NINL: variants seen among roughly 807,000 people sequenced by gnomAD.
NINL encodes ninein like, also known as ninein-like protein.
NINL carries 153 observed loss-of-function variants against 160.3 expected under a neutral mutation model. That is an observed-to-expected ratio of 0.95 (90% CI 0.84 to 1.09). The LOEUF (loss-of-function observed/expected upper bound fraction) is 1.09. Among genes scored for constraint, NINL ranks in the 50% least tolerant of loss-of-function variants. The probability of loss-of-function intolerance (pLI) is 0.00; values close to 1 mark genes in which losing one functional copy is unlikely to be tolerated. For synonymous variants in NINL, 800 were observed against 734.8 expected, an observed-to-expected ratio of 1.09 and a Z score of -1.43; for missense variants, 1,829 against 1,764.0, an observed-to-expected ratio of 1.04 and a Z score of -0.66.
intron 3 of NINL, among the ~76,000 whole-genome samples, chr20:25,514,923 T>C (rs1422962976): frequency 3.3e-5 from 5 of 152,180 alleles, no homozygotes; most frequent in Non-Finnish European, 7.3e-5. Flanking sequence ...TATGAAGACA[T>C]CTGATGTCCA....
chr20:25,495,072 G>A (rs111508191), intron 10 of NINL, among the ~76,000 whole-genome samples: 5 of 152,224 alleles, frequency 3.3e-5, no homozygotes, highest in Admixed American at 1.3e-4. Context: ...TACGTGAGGC[G>A]ACCCCTGGTG....
chr20:25,511,228 GCAAA>G, intron 4 of NINL, among the ~76,000 whole-genome samples: 1 of 152,250 alleles, frequency 6.6e-6, no homozygotes, highest in South Asian at 2.1e-4. Flanking sequence ...TATCAGTTCA[GCAAA>G]CAGTCGCAAG....
At position 25,543,551 on chromosome 20, in the gene NINL, A is replaced by G. The variant is rs1358978749; in HGVS notation, c.-11-16953T>C. The stretch of plus-strand genomic sequence containing the variant: ...AGGAAAATCCTAACTTTCGACGCCT[A>G]AGTAACAAAAGGACCAGAGGCTACT... On this transcript the variant is annotated intron_variant, in intron 1 of 23. Transcript: ENST00000278886. Among the ~76,000 whole-genome samples the G allele has an allele frequency of 2.0e-5, 3 of 152,186 alleles. No homozygotes were observed. The East Asian group carries it at 5.8e-4, about 29-fold the overall frequency.
In NINL at chr20:25,554,636, C is replaced by A. The variant is rs149469612; in HGVS notation, c.-11-28038G>T. ...CCCTGTTCTTTACCAAAAAAAAAAA[C>A]AAAAAAAAAAAAAAAAAAAAATTAG... On this transcript the variant is annotated intron_variant, in intron 1 of 23. Transcript: ENST00000278886. Among the ~76,000 whole-genome samples the A allele has an allele frequency of 0.01, 899 of 85,674 alleles. 146 individuals are homozygous for A. The East Asian group carries it at 0.2, about 19-fold the overall frequency. The allele number at this position is 85,674 out of a possible 152,430, so 56.2% of individuals were successfully genotyped here.
chr20:25,539,360 C>T (rs898689736), intron 1 of NINL, among the ~76,000 whole-genome samples: 3 of 152,226 alleles, frequency 2.0e-5, no homozygotes, highest in Non-Finnish European at 4.4e-5. Context: ...GCCCATACCT[C>T]GCTGTGAGGC....
At chr20:25,460,395 G>T (rs2062753692) in intron 21 of NINL, among the ~76,000 whole-genome samples, 1 of 152,156 alleles carries the variant, frequency 6.6e-6, no homozygotes, top group Non-Finnish European at 1.5e-5. Context: ...GACTTGGTGA[G>T]GTGCTTCCCA....
At position 25,458,466 on chromosome 20, in the gene NINL, C is replaced by T; in HGVS notation, c.3760G>A (p.Val1254Met). The T allele has an allele frequency of 6.2e-7, 1 of 1,604,098 alleles. No homozygotes were observed. Residue 1254 changes from valine to methionine, a missense_variant, in exon 22 of 24, where the codon GTG (valine) becomes ATG (methionine). Physicochemically the swap from Val to Met is conservative, Grantham distance 21 (BLOSUM62 1). Transcript: ENST00000278886. ...AGCTCGGCCACACGGTCCTGGGGCA[C>T]CAGCCGGACCTCCTGCAAGTGCTGG... Reference protein sequence around the residue: ...QAQHLQEVRLVPQDRVAELHR... With the variant: ...QAQHLQEVRLMPQDRVAELHR...
intron 8 of NINL, among the ~76,000 whole-genome samples, chr20:25,500,551 G>A (rs2063846883): frequency 6.6e-6 from 1 of 152,140 alleles, no homozygotes; most frequent in Non-Finnish European, 1.5e-5. Flanking sequence ...AACCTCCTTG[G>A]CCCAACATTC....
In NINL at chr20:25,476,362, C is replaced by T; in HGVS notation, c.2929G>A (p.Ala977Thr). Residue 977 changes from alanine to threonine, a missense_variant, in exon 17 of 24, where the codon GCC (alanine) becomes ACC (threonine). Transcript: ENST00000278886. ...CTTCGTGCTCGCTCTTCCTGAATGGCCTGTAGCCTCTCAGCCTGTCCCCTG... is the reference window on the plus strand; with the variant it reads ...CTTCGTGCTCGCTCTTCCTGAATGGTCTGTAGCCTCTCAGCCTGTCCCCTG... ...SCRGQAERLQ[A>T]IQEERARSWS... The T allele has an allele frequency of 6.2e-7, 1 of 1,611,826 alleles. No individual in the cohort carries two copies. Among genetic ancestry groups the T allele is most frequent in the Non-Finnish European group, 8.5e-7 (1 of 1,179,716 alleles).
At chr20:25,532,482 A>T (rs1352038450) in intron 1 of NINL, among the ~76,000 whole-genome samples, 1 of 152,186 alleles carries the variant, frequency 6.6e-6, no homozygotes, top group East Asian at 1.9e-4. Flanking sequence ...CCCCAAGGGG[A>T]TCTGCAGCTC....
In NINL at chr20:25,476,534, G is replaced by A; in HGVS notation, c.2757C>T (p.Val919=). ...CGCCGAAAGGCTCTGGCTCCTTTGG[G>A]ACAATATCCCCATCCACTCCACAGG... ...MQPCGVDGDI[V]PKEPEPFGAS... Residue 919 remains valine (V), a synonymous_variant, in exon 17 of 24, where the codon GTC becomes GTT. Transcript: ENST00000278886. 4 of 1,600,630 alleles carry A rather than the reference G, an allele frequency of 2.5e-6. No individual in the cohort carries two copies. Among genetic ancestry groups the A allele is most frequent in the Non-Finnish European group, 3.4e-6 (4 of 1,179,832 alleles).
chr20:25,556,267 G>A lies in NINL; in HGVS notation c.-12+29188C>T, dbSNP rs375063046. ...CCACTGCACTCTAGCCTGGGTGACAGAGCAAGACCCTGTCTCAAACAAACA... is the reference window on the plus strand; with the variant it reads ...CCACTGCACTCTAGCCTGGGTGACAAAGCAAGACCCTGTCTCAAACAAACA... On this transcript the variant is annotated intron_variant, in intron 1 of 23. Transcript: ENST00000278886. Among the ~76,000 whole-genome samples, 83 of 152,264 alleles carry A rather than the reference G, an allele frequency of 5.5e-4. 3 individuals are homozygous for A. In the South Asian group the frequency reaches 0.017, roughly 31 times the overall value.
intron 17 of NINL, among the ~76,000 whole-genome samples, chr20:25,471,243 C>A (rs1315610958): frequency 6.6e-6 from 1 of 152,138 alleles, no homozygotes; most frequent in Admixed American, 6.5e-5. Flanking sequence ...ACCTAGGCCT[C>A]CCAAAGTGCT....
chr20:25,487,417 C>T (rs946465004), intron 13 of NINL, among the ~76,000 whole-genome samples: 4 of 152,282 alleles, frequency 2.6e-5, no homozygotes, highest in Admixed American at 2.0e-4. Context: ...AAATCATCCA[C>T]TTCCATGTTA....
At chr20:25,555,768 G>A (rs537918740) in intron 1 of NINL, among the ~76,000 whole-genome samples, 105 of 152,260 alleles carry the variant, frequency 6.9e-4, no homozygotes, top group Admixed American at 1.4e-3. Flanking sequence ...TCCACCTCCC[G>A]GGTTCAAGCG....
chr20:25,477,296 G>A (rs2063282520), intron 16 of NINL, among the ~76,000 whole-genome samples: 1 of 152,232 alleles, frequency 6.6e-6, no homozygotes, highest in South Asian at 2.1e-4. Flanking sequence ...CACGGAGCGA[G>A]GTTCTGCACA....
chr20:25,518,969 G>A (rs2064213702), intron 2 of NINL, among the ~76,000 whole-genome samples: 3 of 151,942 alleles, frequency 2.0e-5, no homozygotes, highest in Non-Finnish European at 4.4e-5. Context: ...ATGCTGGCGT[G>A]TGCCTGTAAT....
At chr20:25,461,424 T>G in intron 21 of NINL, 98 bp downstream of exon 21, 1 of 724,218 alleles carries the variant, frequency 1.4e-6, no homozygotes, top group Non-Finnish European at 2.3e-6. Context: ...CAACTACTTC[T>G]TTGGGCTGGA....
rs2064100959 is a variant in NINL at position 25,512,984 on chromosome 20, T to C, written c.300A>G (p.Pro100=). 1.2e-6 allele frequency: 2 copies of C among 1,604,064 alleles called. No homozygotes were observed. The highest frequency in any genetic ancestry group is 2.2e-5 in the East Asian group (1 of 44,604). Residue 100 remains proline, a synonymous_variant, in exon 4 of 24, where the codon CCA becomes CCG. Transcript: ENST00000278886. ...LESAASSAIP[P]KYVNGSKWYG... ...ACCACTTAGAACCATTCACATACTT[T>C]GGAGGGATGGCACTGGAGGCAGCTG...
Sources: gnomAD v4.1 joint callset for allele counts (sites outside exome capture counted in the v4.1 genomes callset) on GRCh38, gnomAD v4.1.1 for gene constraint, MANE v1.5 for transcripts, NCBI Gene and HGNC (gene_info 2026-07-23, HGNC 2026-07-21) for gene names.